The following FHIT variants were observed in gnomAD, a reference collection of about 807,000 sequenced individuals.
FHIT encodes bis(5'-adenosyl)-triphosphatase.
Under a neutral mutation model 17.9 loss-of-function variants are expected in FHIT, and 19 were observed. The ratio of observed to expected loss-of-function variants is 1.06; its 90% confidence interval spans 0.74 to 1.56. FHIT has a LOEUF of 1.56. FHIT is among the 40% of genes most tolerant of loss of function. FHIT has a pLI of 0.00. For missense variants in FHIT, 248 were observed against 189.2 expected (o/e 1.31, Z -1.82); for synonymous variants, 81 against 69.7 (o/e 1.16, Z -0.81).
intron 5 of FHIT, among the ~76,000 whole-genome samples, chr3:60,469,911 A>G (rs1225589568): frequency 6.6e-6 from 1 of 152,090 alleles, no homozygotes; most frequent in African/African-American, 2.4e-5. Flanking sequence ...AGGCTTGTAC[A>G]GATACCACCG....
At chr3:61,160,059 T>G (rs2037642348) in intron 2 of FHIT, among the ~76,000 whole-genome samples, 1 of 152,210 alleles carries the variant, frequency 6.6e-6, no homozygotes, top group Non-Finnish European at 1.5e-5. Context: ...TATATCACAT[T>G]CAACAGTTTA....
Position 59,994,997 on chromosome 3 carries a change from C to T in FHIT, c.279+16374G>A, listed in dbSNP as rs188395233. On this transcript the variant is annotated intron_variant, in intron 7 of 9. Coordinates refer to ENST00000492590, the MANE Select transcript of FHIT (RefSeq NM_002012.4). ...GTGGTGGTGGGGATTGTTGTGGGTACGAAAGGAGAGAGGCTCTGCTAGAGC... is the reference window on the plus strand; with the variant it reads ...GTGGTGGTGGGGATTGTTGTGGGTATGAAAGGAGAGAGGCTCTGCTAGAGC... Among the ~76,000 whole-genome samples, 10 of 151,976 alleles carry T rather than the reference C, an allele frequency of 6.6e-5. No homozygotes were observed. The South Asian group carries it at 8.3e-4, about 13-fold the overall frequency.
intron 8 of FHIT, among the ~76,000 whole-genome samples, chr3:59,903,036 G>A (rs1704406449): frequency 6.6e-6 from 1 of 152,188 alleles, no homozygotes; most frequent in Non-Finnish European, 1.5e-5. Flanking sequence ...GTATACGTAT[G>A]TTAAATCATC....
intron 8 of FHIT, among the ~76,000 whole-genome samples, chr3:59,869,630 C>T (rs2687903): frequency 0.077 from 11,473 of 148,230 alleles, 540 homozygotes; most frequent in Non-Finnish European, 0.11. Flanking sequence ...TACAGGTGCC[C>T]GCCACCACGC....
At chr3:60,028,044 G>A (rs1700828240) in intron 5 of FHIT, among the ~76,000 whole-genome samples, 1 of 152,010 alleles carries the variant, frequency 6.6e-6, no homozygotes, top group Non-Finnish European at 1.5e-5. Flanking sequence ...GTAGCTAGTA[G>A]CTATTACATT....
At chr3:60,195,636 T>C (rs1429082166) in intron 5 of FHIT, among the ~76,000 whole-genome samples, 1 of 146,676 alleles carries the variant, frequency 6.8e-6, no homozygotes, top group African/African-American at 2.5e-5. Context: ...TTAATATACA[T>C]ATAAACATGA....
chr3:61,007,480 G>C (rs1378113933), intron 3 of FHIT, among the ~76,000 whole-genome samples: 1 of 152,170 alleles, frequency 6.6e-6, no homozygotes, highest in Non-Finnish European at 1.5e-5. Flanking sequence ...ACCTATTTGA[G>C]AACTACTAAC....
chr3:60,160,916 T>C (rs755658450), intron 5 of FHIT, among the ~76,000 whole-genome samples: 22 of 152,002 alleles, frequency 1.4e-4, no homozygotes, highest in Admixed American at 2.6e-4. Context: ...ATCCTGATAA[T>C]TTTCATTAAG....
chr3:60,215,187 AATT>A, intron 5 of FHIT, among the ~76,000 whole-genome samples: 1 of 152,188 alleles, frequency 6.6e-6, no homozygotes, highest in East Asian at 1.9e-4. Context: ...AGATAAAAGT[AATT>A]CATTCAATTA....
At chr3:60,452,394 T>C (rs984416982) in intron 5 of FHIT, among the ~76,000 whole-genome samples, 1 of 152,174 alleles carries the variant, frequency 6.6e-6, no homozygotes, top group African/African-American at 2.4e-5. Flanking sequence ...CTTTACTGTG[T>C]ACCCAAGATG....
intron 3 of FHIT, among the ~76,000 whole-genome samples, chr3:61,033,261 C>T (rs2033093687): frequency 6.6e-6 from 1 of 152,122 alleles, no homozygotes; most frequent in South Asian, 2.1e-4. Context: ...TTTACTGGAA[C>T]ACAGCCAGTT....
At chr3:59,766,847 GC>G (rs960972226) in intron 8 of FHIT, among the ~76,000 whole-genome samples, 2 of 152,090 alleles carry the variant, frequency 1.3e-5, no homozygotes, top group African/African-American at 4.8e-5. Flanking sequence ...AAGCAATTTT[GC>G]TCCTTTCTCT....
At chr3:60,596,322 G>T (rs1269809959) in intron 4 of FHIT, among the ~76,000 whole-genome samples, 1 of 152,090 alleles carries the variant, frequency 6.6e-6, no homozygotes, top group Admixed American at 6.6e-5. Flanking sequence ...CGCACAGGCT[G>T]CAGGCTCTCC....
chr3:60,560,883 G>T (rs1432081832), intron 4 of FHIT, among the ~76,000 whole-genome samples: 1 of 150,550 alleles, frequency 6.6e-6, no homozygotes. Flanking sequence ...TCAAGGAGAG[G>T]TGGGGAGGAA....
intron 2 of FHIT, among the ~76,000 whole-genome samples, chr3:61,164,951 T>C (rs1383661814): frequency 6.6e-6 from 1 of 152,238 alleles, no homozygotes; most frequent in Non-Finnish European, 1.5e-5. Context: ...GCATCCATGT[T>C]GCCACAAAGG....
intron 7 of FHIT, among the ~76,000 whole-genome samples, chr3:59,953,150 T>C (rs763001421): frequency 6.6e-6 from 1 of 151,930 alleles, no homozygotes; most frequent in Non-Finnish European, 1.5e-5. Flanking sequence ...TGTGTTTCCA[T>C]GTGTGTAAGG....
chr3:59,823,171 A>T (rs976463824), intron 8 of FHIT, among the ~76,000 whole-genome samples: 1 of 151,966 alleles, frequency 6.6e-6, no homozygotes, highest in Non-Finnish European at 1.5e-5. Context: ...CCTATTTTTA[A>T]CCATGCTGTT....
intron 3 of FHIT, among the ~76,000 whole-genome samples, chr3:61,024,422 A>T (rs2032624001): frequency 6.6e-6 from 1 of 152,162 alleles, no homozygotes; most frequent in South Asian, 2.1e-4. Flanking sequence ...GTCTTCAAAG[A>T]GGCTGAGCTA....
intron 5 of FHIT, among the ~76,000 whole-genome samples, chr3:60,380,552 G>A (rs899290999): frequency 1.3e-5 from 2 of 152,154 alleles, no homozygotes; most frequent in South Asian, 4.2e-4. Flanking sequence ...AGTAACTTCT[G>A]AAGGTTGTAC....
Sources: allele counts gnomAD v4.1 joint callset (sites outside exome capture counted in the v4.1 genomes callset), GRCh38; gene constraint gnomAD v4.1.1; transcripts MANE v1.5; gene names NCBI Gene and HGNC (gene_info 2026-07-23, HGNC 2026-07-21).